Variants in SORCS2 observed in about 807,000 individuals in gnomAD.
SORCS2 encodes the protein VPS10 domain-containing receptor SorCS2.
Under a neutral mutation model 141.6 loss-of-function variants are expected in SORCS2, and 100 were observed. The observed-to-expected ratio is 0.71, with a 90% confidence interval of 0.60 to 0.83. The LOEUF (loss-of-function observed/expected upper bound fraction) is 0.83. Ranked by LOEUF, SORCS2 falls within the 40% of genes least tolerant of loss-of-function variation. The pLI is 0.00. For synonymous variants in SORCS2, 789 were observed against 676.9 expected, an observed-to-expected ratio of 1.17 and a Z score of -2.57; for missense variants, 1,646 against 1,560.2, an observed-to-expected ratio of 1.05 and a Z score of -0.93.
Position 7,703,301 on chromosome 4 carries a change from A to G in SORCS2, c.1690A>G (p.Ile564Val), listed in dbSNP as rs745970948. ...GCAGGTGTTTGAGGAAGAGCATCACATCCTGTACCTGGACCACGGCGGCGT... is the reference window on the plus strand; with the variant it reads ...GCAGGTGTTTGAGGAAGAGCATCACGTCCTGTACCTGGACCACGGCGGCGT... ...WRQVFEEEHHILYLDHGGVIV... is the reference protein window; with the variant it reads ...WRQVFEEEHHVLYLDHGGVIV... Residue 564 changes from isoleucine (I) to valine (V), a missense_variant, in exon 13 of 27, where the codon ATC (isoleucine) becomes GTC (valine). By Grantham distance (29) the Ile-to-Val change is conservative. Transcript: ENST00000507866. 6.2e-7 allele frequency: 1 copy of G among 1,612,972 alleles called. No homozygotes were observed. The highest frequency in any genetic ancestry group is 2.2e-5 in the East Asian group (1 of 44,832).
In SORCS2 at chr4:7,524,326, C is replaced by T. The variant is rs140765393; in HGVS notation, c.549-7204C>T. 1.4e-3 allele frequency among the ~76,000 whole-genome samples: 210 copies of T among 152,250 alleles called. 3 individuals carry two copies. The East Asian group carries it at 0.036, about 26-fold the overall frequency. The stretch of plus-strand genomic sequence containing the variant: ...CAGCTGGAAGAGGCAGGAGGATCCT[C>T]CCCTGGAGCCTCCAGAGGGAGCTCA... On this transcript the variant is annotated intron_variant, in intron 2 of 26. Coordinates refer to ENST00000507866, the MANE Select transcript of SORCS2 (RefSeq NM_020777.3).
intron 14 of SORCS2, among the ~76,000 whole-genome samples, chr4:7,708,553 C>CG (rs1725622803): frequency 6.6e-6 from 1 of 152,156 alleles, no homozygotes; most frequent in Admixed American, 6.5e-5. Context: ...TTCAGCGCCC[C>CG]GGGAGAACAG....
At chr4:7,458,956 C>T (rs1211767598) in intron 2 of SORCS2, among the ~76,000 whole-genome samples, 1 of 152,140 alleles carries the variant, frequency 6.6e-6, no homozygotes, top group Non-Finnish European at 1.5e-5. Context: ...GCTGCGGGGA[C>T]TGGGCTTGGG....
chr4:7,514,331 A>G (rs557301963), intron 2 of SORCS2, among the ~76,000 whole-genome samples: 2 of 152,204 alleles, frequency 1.3e-5, no homozygotes, highest in Admixed American at 1.3e-4. Context: ...GCTGTCAGCA[A>G]TTGGTCCTTC....
chr4:7,338,978 C>A (rs1036030880), intron 1 of SORCS2, among the ~76,000 whole-genome samples: 1 of 152,182 alleles, frequency 6.6e-6, no homozygotes, highest in Non-Finnish European at 1.5e-5. Context: ...ACCCAGCAAC[C>A]CCCTGACACA....
At chr4:7,547,244 T>TGCCAGCCCACACTACC (rs1199576023) in intron 3 of SORCS2, among the ~76,000 whole-genome samples, 3 of 152,318 alleles carry the variant, frequency 2.0e-5, no homozygotes, top group Admixed American at 6.5e-5. Flanking sequence ...TCCTCACTGC[T>TGCCAGCCCACACTACC]GCCAGCCCAC....
At chr4:7,211,978 G>T (rs968379210) in intron 1 of SORCS2, among the ~76,000 whole-genome samples, 1 of 152,224 alleles carries the variant, frequency 6.6e-6, no homozygotes, top group African/African-American at 2.4e-5. Context: ...ATTCTATCAG[G>T]AATGTTCCCA....
chr4:7,235,546 G>A (rs1712207819), intron 1 of SORCS2, among the ~76,000 whole-genome samples: 1 of 152,238 alleles, frequency 6.6e-6, no homozygotes, highest in Admixed American at 6.5e-5. Flanking sequence ...TGGATGGGGA[G>A]CCCCCAGAGG....
At chr4:7,566,052 GTGATGA>G (rs1274164847) in intron 3 of SORCS2, among the ~76,000 whole-genome samples, 2 of 145,134 alleles carry the variant, frequency 1.4e-5, no homozygotes, top group Non-Finnish European at 3.0e-5. Context: ...GATGGCGATG[GTGATGA>G]TGATGATGGT....
At chr4:7,635,578 G>A (rs1720189804) in intron 3 of SORCS2, among the ~76,000 whole-genome samples, 1 of 152,170 alleles carries the variant, frequency 6.6e-6, no homozygotes, top group African/African-American at 2.4e-5. Context: ...AGCGTGGTAT[G>A]TACAGTAAGC....
At chr4:7,540,195 C>CT (rs2109581344) in intron 3 of SORCS2, among the ~76,000 whole-genome samples, 1 of 137,560 alleles carries the variant, frequency 7.3e-6, no homozygotes, top group South Asian at 2.5e-4. Context: ...CCTGCCCCTC[C>CT]CTGCCCCTCC....
chr4:7,730,985 A>T (rs936459271), intron 23 of SORCS2, among the ~76,000 whole-genome samples: 2 of 152,372 alleles, frequency 1.3e-5, no homozygotes, highest in East Asian at 1.9e-4. Context: ...CAGGGGAAGG[A>T]CAGTGCACAC....
At chr4:7,298,080 T>C (rs1560173318) in intron 1 of SORCS2, among the ~76,000 whole-genome samples, 2 of 152,174 alleles carry the variant, frequency 1.3e-5, no homozygotes, top group South Asian at 2.1e-4. Context: ...GCACAGCCAG[T>C]GTGTGCACTT....
In SORCS2 at chr4:7,503,721, G is replaced by A. The variant is rs570308076; in HGVS notation, c.549-27809G>A. Among the ~76,000 whole-genome samples the A allele has an allele frequency of 3.3e-5, 5 of 152,296 alleles. No homozygotes were observed. The East Asian group carries it at 5.8e-4, about 18-fold the overall frequency. ...AGATGCTGATGCAGATTGATGGGCC[G>A]TGTGCTCCCCAGAGGCTAATGCAGG... is the stretch of plus-strand genomic sequence containing the variant. On this transcript the variant is annotated intron_variant, in intron 2 of 26. Transcript: ENST00000507866.
rs1722185805 is a variant in SORCS2, at chr4:7,661,712, T to G, written c.952+148T>G. 3 of 769,570 alleles carry G rather than the reference T, an allele frequency of 3.9e-6. No individual in the cohort carries two copies. In the East Asian group the frequency reaches 8.6e-5, roughly 22 times the overall value. The allele number at this position is 769,570 out of a possible 1,614,324, so 47.7% of individuals were successfully genotyped here. A position where few individuals can be genotyped will look rare whatever the true frequency, so the allele number is the denominator to read the frequency against. On this transcript the variant is annotated intron_variant, in intron 6 of 26. Transcript: ENST00000507866. ...TGTCTCGATGTGGCATGATTTTAAA[T>G]GTGCTTGTTTTCCAGCTGGGGAGGA...
chr4:7,719,499 C>T (rs1726430391), intron 18 of SORCS2, among the ~76,000 whole-genome samples: 1 of 152,196 alleles, frequency 6.6e-6, no homozygotes, highest in South Asian at 2.1e-4. Context: ...CTAGACTCTA[C>T]GTGGACAGAG....
intron 3 of SORCS2, among the ~76,000 whole-genome samples, chr4:7,620,812 G>A (rs2108827645): frequency 6.6e-6 from 1 of 152,342 alleles, no homozygotes; most frequent in East Asian, 1.9e-4. Context: ...GGGTCTCACG[G>A]TGGGGGGTCT....
chr4:7,654,024 A>G (rs892564807), intron 4 of SORCS2, 110 bp from the exon 5 acceptor site: 18 of 1,048,084 alleles, frequency 1.7e-5, no homozygotes, highest in Non-Finnish European at 2.6e-5. Flanking sequence ...CCGCTGGACA[A>G]GGATGACTTC....
At chr4:7,255,307 T>G (rs1186139149) in intron 1 of SORCS2, among the ~76,000 whole-genome samples, 1 of 151,952 alleles carries the variant, frequency 6.6e-6, no homozygotes, top group East Asian at 1.9e-4. Flanking sequence ...GGAGGCGGCT[T>G]TCATCTGGGA....
Sources: gnomAD v4.1 joint callset for allele counts (sites outside exome capture counted in the v4.1 genomes callset) on GRCh38, gnomAD v4.1.1 for gene constraint, MANE v1.5 for transcripts, NCBI Gene and HGNC (gene_info 2026-07-23, HGNC 2026-07-21) for gene names.